Variants in RAB38 observed in about 807,000 individuals in gnomAD.
The protein encoded by RAB38 is RAB38, member RAS oncogene family.
Under a neutral mutation model 18.4 loss-of-function variants are expected in RAB38, and 15 were observed. The ratio of observed to expected loss-of-function variants is 0.82; its 90% CI spans 0.55 to 1.26. RAB38 has a LOEUF of 1.26. RAB38 is among the 50% of genes most tolerant of loss of function. The pLI, the probability that RAB38 is intolerant of heterozygous loss-of-function variation, is 0.00. For synonymous variants in RAB38, 101 were observed against 104.4 expected, an observed-to-expected ratio of 0.97 and a Z score of 0.20; for missense variants, 294 against 267.4, an observed-to-expected ratio of 1.10 and a Z score of -0.69.
the RAB38 span, among the ~76,000 whole-genome samples, chr11:88,036,602 A>G: frequency 2.0e-5 from 3 of 152,108 alleles, no homozygotes; most frequent in African/African-American, 7.2e-5. Flanking sequence ...TATTGAGTGT[A>G]CCTTCAAAAT....
At chr11:87,841,437 G>A in the RAB38 span, among the ~76,000 whole-genome samples, 2 of 152,092 alleles carry the variant, frequency 1.3e-5, no homozygotes, top group South Asian at 2.1e-4. Flanking sequence ...AATACAATCA[G>A]CTATCTTTAC....
intron 1 of RAB38, among the ~76,000 whole-genome samples, chr11:88,153,942 G>A (rs979121768): frequency 2.0e-5 from 3 of 152,184 alleles, no homozygotes; most frequent in African/African-American, 7.2e-5. Context: ...GAATCCACCA[G>A]GACAACTCAA....
chr11:87,963,706 G>T, the RAB38 span, among the ~76,000 whole-genome samples: 5 of 151,162 alleles, frequency 3.3e-5, no homozygotes, highest in African/African-American at 1.2e-4. Flanking sequence ...GAGTGCAGTG[G>T]TATGGTCTCG....
intron 2 of RAB38, among the ~76,000 whole-genome samples, chr11:88,145,231 C>A (rs1478807032): frequency 6.6e-6 from 1 of 151,994 alleles, no homozygotes; most frequent in South Asian, 2.1e-4. Context: ...GTCACTGCAA[C>A]CTCCGCCTCC....
At chr11:87,833,119 A>G in the RAB38 span, among the ~76,000 whole-genome samples, 1 of 152,134 alleles carries the variant, frequency 6.6e-6, no homozygotes, top group Admixed American at 6.6e-5. Flanking sequence ...GGGCAGCCAG[A>G]GTGATCCTCT....
the RAB38 span, among the ~76,000 whole-genome samples, chr11:87,888,778 A>G: frequency 1.3e-5 from 2 of 151,914 alleles, no homozygotes; most frequent in African/African-American, 2.4e-5. Flanking sequence ...CTTTCTTGTA[A>G]TATATTAGAG....
At chr11:88,030,988 T>A in the RAB38 span, among the ~76,000 whole-genome samples, 2 of 150,852 alleles carry the variant, frequency 1.3e-5, no homozygotes, top group African/African-American at 4.9e-5. Flanking sequence ...AATAAAATAC[T>A]GGCAAACCGA....
At chr11:87,929,806 C>T in the RAB38 span, among the ~76,000 whole-genome samples, 3 of 146,878 alleles carry the variant, frequency 2.0e-5, no homozygotes, top group Admixed American at 2.1e-4. Context: ...TGAGTGAGAA[C>T]ATGCGGTGTT....
chr11:87,953,700 C>T, the RAB38 span, among the ~76,000 whole-genome samples: 1 of 152,128 alleles, frequency 6.6e-6, no homozygotes, highest in African/African-American at 2.4e-5. Context: ...TCTGCGGTTT[C>T]AGGCATCCAG....
At chr11:87,949,243 T>C in the RAB38 span, among the ~76,000 whole-genome samples, 4 of 152,322 alleles carry the variant, frequency 2.6e-5, no homozygotes, top group Admixed American at 2.6e-4. Context: ...ATAGCCCCTT[T>C]ATCATATTTT....
At chr11:88,021,060 C>T in the RAB38 span, among the ~76,000 whole-genome samples, 1 of 151,704 alleles carries the variant, frequency 6.6e-6, no homozygotes, top group Admixed American at 6.6e-5. Flanking sequence ...CAAGAGCAAA[C>T]CAAACCCAAA....
chr11:87,815,290 G>GT, the RAB38 span: 3 of 152,290 alleles, frequency 2.0e-5, no homozygotes, highest in African/African-American at 7.2e-5. Flanking sequence ...CAAAGGGCTA[G>GT]TATACCTCCT....
the RAB38 span, among the ~76,000 whole-genome samples, chr11:88,024,768 AACAT>A: frequency 6.6e-6 from 1 of 152,208 alleles, no homozygotes; most frequent in South Asian, 2.1e-4. Context: ...CAGAAAGACA[AACAT>A]CTCATGTTCT....
At chr11:87,963,291 G>C in the RAB38 span, among the ~76,000 whole-genome samples, 1 of 152,088 alleles carries the variant, frequency 6.6e-6, no homozygotes, top group Non-Finnish European at 1.5e-5. Flanking sequence ...TGATCCCCCA[G>C]AGTGGCCTGA....
the RAB38 span, among the ~76,000 whole-genome samples, chr11:88,059,287 A>T: frequency 6.6e-6 from 1 of 152,238 alleles, no homozygotes; most frequent in Non-Finnish European, 1.5e-5. Context: ...TCTCCTAAGT[A>T]GTGATTTCTT....
At chr11:87,957,035 CAT>C in the RAB38 span, among the ~76,000 whole-genome samples, 1 of 151,636 alleles carries the variant, frequency 6.6e-6, no homozygotes, top group Admixed American at 6.6e-5. Context: ...TCACATAAAA[CAT>C]TGTTAAATCA....
chr11:87,925,427 G>A, the RAB38 span, among the ~76,000 whole-genome samples: 3 of 151,994 alleles, frequency 2.0e-5, no homozygotes, highest in Non-Finnish European at 2.9e-5. Context: ...TAGGCACATC[G>A]ACGATCATTT....
chr11:88,103,075 C>G, the RAB38 span, among the ~76,000 whole-genome samples: 1 of 151,954 alleles, frequency 6.6e-6, no homozygotes, highest in Non-Finnish European at 1.5e-5. Flanking sequence ...TTTTTTCACC[C>G]TTGATAATTA....
At chr11:88,145,293 G>A (rs956782262) in intron 2 of RAB38, among the ~76,000 whole-genome samples, 1 of 151,914 alleles carries the variant, frequency 6.6e-6, no homozygotes, top group Non-Finnish European at 1.5e-5. Flanking sequence ...GGGATTAACA[G>A]GTGCCTGCTG....
Sources: allele counts gnomAD v4.1 joint callset (sites outside exome capture counted in the v4.1 genomes callset), GRCh38; gene constraint gnomAD v4.1.1; transcripts MANE v1.5; gene names NCBI Gene and HGNC (gene_info 2026-07-23, HGNC 2026-07-21).